Variants in ABLIM2 observed in about 807,000 individuals in gnomAD.
The protein encoded by ABLIM2 is actin-binding LIM protein 2.
ABLIM2 carries 53 observed loss-of-function variants against 97.7 expected under a neutral mutation model. The observed-to-expected ratio is 0.54, with a 90% confidence interval of 0.44 to 0.68. The LOEUF (loss-of-function observed/expected upper bound fraction) is 0.68. ABLIM2 is among the 30% of genes least tolerant of loss of function. The probability of loss-of-function intolerance (pLI) is 0.00; values close to 1 mark genes in which losing one functional copy is unlikely to be tolerated. For synonymous variants in ABLIM2, 361 were observed against 345.8 expected (o/e 1.04, Z -0.49); for missense variants, 835 against 867.2 (o/e 0.96, Z 0.47).
At chr4:7,980,386 G>C (rs1255535121) in intron 20 of ABLIM2, among the ~76,000 whole-genome samples, 1 of 152,100 alleles carries the variant, frequency 6.6e-6, no homozygotes, top group African/African-American at 2.4e-5. Context: ...TACAAATATT[G>C]TACCCCTAAA....
At chr4:8,014,192 C>T (rs537700734) in intron 14 of ABLIM2, among the ~76,000 whole-genome samples, 1 of 152,358 alleles carries the variant, frequency 6.6e-6, no homozygotes, top group South Asian at 2.1e-4. Flanking sequence ...ACCGGCACCC[C>T]GGCAGGTGCT....
rs1203267920 is a variant in ABLIM2 at position 8,072,804 on chromosome 4, G to C, written c.675+4824C>G. 6.6e-6 allele frequency among the ~76,000 whole-genome samples: 1 copy of C among 152,200 alleles called. No homozygotes were observed. Among genetic ancestry groups the C allele is most frequent in the African/African-American group, 2.4e-5 (1 of 41,460 alleles). Reference sequence around the variant, plus strand: ...GCCTGGCTGAGCATCAGAGCCACCAGCGCATAAGAGGAGCAGGGTCAGGGA... The same window carrying C: ...GCCTGGCTGAGCATCAGAGCCACCACCGCATAAGAGGAGCAGGGTCAGGGA... On this transcript the variant is annotated intron_variant, in intron 6 of 20. Transcript: ENST00000447017. The surrounding 1 kb of genome is among the most constrained non-coding windows in gnomAD (Gnocchi z 5.8).
intron 17 of ABLIM2, among the ~76,000 whole-genome samples, chr4:7,988,650 C>T (rs1746317581): frequency 6.6e-6 from 1 of 152,166 alleles, no homozygotes; most frequent in Non-Finnish European, 1.5e-5. Context: ...GCAGGAATTG[C>T]TTTTTAAATA....
In ABLIM2 at chr4:8,021,045, G is replaced by A. The variant is rs1425477550; in HGVS notation, c.1268-742C>T. On this transcript the variant is annotated intron_variant, in intron 12 of 20. Coordinates refer to ENST00000447017, the MANE Select transcript of ABLIM2 (RefSeq NM_001130083.2). The surrounding 1 kb of genome is among the most constrained non-coding windows in gnomAD (Gnocchi z 5.5). ...CTAATTTTTTTAATTTTGTAAAGAT[G>A]GGGTTTTGCCACGTTGCCCTGGCTG... 1.3e-5 allele frequency among the ~76,000 whole-genome samples: 2 copies of A among 151,742 alleles called. No individual in the cohort carries two copies. The highest frequency in any genetic ancestry group is 4.8e-5 in the African/African-American group (2 of 41,266).
rs577306333 is a variant in ABLIM2 at position 8,127,303 on chromosome 4, G to T, written c.11-20666C>A. 2.0e-5 allele frequency among the ~76,000 whole-genome samples: 3 copies of T among 152,324 alleles called. No homozygotes were observed. Reference sequence around the variant, plus strand: ...AGCCTTAGCTGACCTGTACAATGGGGTCACCCTCCTCACCCCACAGTGCTG... The same window carrying T: ...AGCCTTAGCTGACCTGTACAATGGGTTCACCCTCCTCACCCCACAGTGCTG... On this transcript the variant is annotated intron_variant, in intron 1 of 20. Transcript: ENST00000447017. The surrounding 1 kb of genome is among the most constrained non-coding windows in gnomAD (Gnocchi z 7.3).
chr4:8,097,489 T>C (rs562508793), intron 2 of ABLIM2, among the ~76,000 whole-genome samples: 1 of 152,012 alleles, frequency 6.6e-6, no homozygotes, highest in Non-Finnish European at 1.5e-5. Flanking sequence ...TGGTGGTGAG[T>C]GGACTTTCCT....
At chr4:8,117,178 A>G (rs945081540) in intron 1 of ABLIM2, among the ~76,000 whole-genome samples, 5 of 152,220 alleles carry the variant, frequency 3.3e-5, no homozygotes, top group African/African-American at 1.2e-4. Context: ...TCTTGGAGGT[A>G]GATATTCTTT....
chr4:8,054,107 T>C lies in ABLIM2; in HGVS notation c.822+81A>G. 1 of 1,494,952 alleles carries C rather than the reference T, an allele frequency of 6.7e-7. No homozygotes were observed. Among genetic ancestry groups the C allele is most frequent in the African/African-American group, 1.4e-5 (1 of 72,568 alleles). 92.6% of individuals were successfully genotyped at this position (1,494,952 alleles called of 1,614,324 possible). A position where few individuals can be genotyped will look rare whatever the true frequency, so the allele number is the denominator to read the frequency against. ...GACTGGACAATGAGCCTGTAGAATC[T>C]GGTCAGTGTCCTCTTAACTGTACAA... On this transcript the variant is annotated intron_variant, in intron 8 of 20. Transcript: ENST00000447017. This position sits in a 1 kb window ranked among gnomAD's most constrained non-coding sequence, Gnocchi z 4.9.
At chr4:8,053,370 T>G (rs1394174734) in intron 8 of ABLIM2, among the ~76,000 whole-genome samples, 2 of 152,216 alleles carry the variant, frequency 1.3e-5, no homozygotes, top group Non-Finnish European at 2.9e-5. Flanking sequence ...CTAAAATGTA[T>G]AAAACCAAAC....
In ABLIM2 at chr4:8,067,146, C is replaced by G. The variant is rs1031804036; in HGVS notation, c.676-6092G>C. The G allele has an allele frequency of 6.6e-6, 1 of 152,190 alleles. No homozygotes were observed. Among genetic ancestry groups the G allele is most frequent in the Non-Finnish European group, 1.5e-5 (1 of 68,050 alleles). The allele number at this position is 152,190 out of a possible 1,614,324, so 9.4% of individuals were successfully genotyped here. The stretch of plus-strand genomic sequence containing the variant: ...ATGAGGAGCCAGGATCCAAAGAAGG[C>G]AGGCTGGATGCTACCTCCTGGGAAG... On this transcript the variant is annotated intron_variant, in intron 6 of 20. Transcript: ENST00000447017. This position sits in a 1 kb window ranked among gnomAD's most constrained non-coding sequence, Gnocchi z 5.4.
In ABLIM2 at chr4:7,983,574, G is replaced by A; in HGVS notation, c.1736-20C>T. The A allele has an allele frequency of 2.5e-6, 4 of 1,612,608 alleles. No individual in the cohort carries two copies. The highest frequency in any genetic ancestry group is 2.2e-5 in the South Asian group (2 of 90,520). ...TGTATTCTGTAAGAGAGAGAGAGCG[G>A]AGACCACGAAATGGTTTAGAAAGTG... On this transcript the variant is annotated intron_variant, in intron 18 of 20. Coordinates refer to ENST00000447017, the MANE Select transcript of ABLIM2 (RefSeq NM_001130083.2).
intron 14 of ABLIM2, among the ~76,000 whole-genome samples, chr4:8,013,791 T>C (rs1398736242): frequency 2.0e-5 from 3 of 152,190 alleles, no homozygotes; most frequent in Non-Finnish European, 4.4e-5. Flanking sequence ...AGAGAGATGC[T>C]TCCAGGGAAA....
At chr4:8,047,488 G>A (rs531489042) in intron 8 of ABLIM2, among the ~76,000 whole-genome samples, 5 of 152,084 alleles carry the variant, frequency 3.3e-5, no homozygotes, top group African/African-American at 1.2e-4. Context: ...CAACTCTGGG[G>A]TCTGCCTGCC....
At chr4:8,092,303 G>GTA (rs1829258438) in intron 3 of ABLIM2, among the ~76,000 whole-genome samples, 1 of 151,936 alleles carries the variant, frequency 6.6e-6, no homozygotes, top group South Asian at 2.1e-4. Context: ...TGGCCCATTT[G>GTA]TATATGTTCT....
rs547326263 is a variant in ABLIM2 at position 8,147,631 on chromosome 4, G to T, written c.10+11049C>A. Among the ~76,000 whole-genome samples the T allele has an allele frequency of 1.3e-5, 2 of 152,296 alleles. No individual in the cohort carries two copies. The highest frequency in any genetic ancestry group is 2.1e-4 in the South Asian group (1 of 4,822). ...GGAGGTTTGAAGACTCTGCCTTGAA[G>T]ATTGGAGCAACGTGGCCACAAACCT... is the stretch of plus-strand genomic sequence containing the variant. On this transcript the variant is annotated intron_variant, in intron 1 of 20. Coordinates refer to ENST00000447017, the MANE Select transcript of ABLIM2 (RefSeq NM_001130083.2). This position sits in a 1 kb window ranked among gnomAD's most constrained non-coding sequence, Gnocchi z 5.3.
intron 14 of ABLIM2, among the ~76,000 whole-genome samples, chr4:8,017,113 TA>T (rs1769904539): frequency 6.6e-6 from 1 of 152,130 alleles, no homozygotes; most frequent in Admixed American, 6.5e-5. Context: ...CCTGACCTGT[TA>T]AACTTCCTCA....
Position 7,986,678 on chromosome 4 carries a change from C to CT in ABLIM2, c.1681-1786dup, listed in dbSNP as rs1450375950. Among the ~76,000 whole-genome samples, 2 of 151,922 alleles carry CT rather than the reference C, an allele frequency of 1.3e-5. No homozygotes were observed. Among genetic ancestry groups the CT allele is most frequent in the East Asian group, 1.9e-4 (1 of 5,166 alleles). On this transcript the variant is annotated intron_variant, in intron 17 of 20. Coordinates refer to ENST00000447017, the MANE Select transcript of ABLIM2 (RefSeq NM_001130083.2). The surrounding 1 kb of genome is among the most constrained non-coding windows in gnomAD (Gnocchi z 4.3). ...CTTCAGGGGTATTCACAAAGAATTT[C>CT]TTTTTTTTCTTTGAGACAGAGTCTT... is the stretch of plus-strand genomic sequence containing the variant.
intron 20 of ABLIM2, among the ~76,000 whole-genome samples, chr4:7,967,425 G>A (rs1301823345): frequency 3.3e-5 from 5 of 152,350 alleles, no homozygotes; most frequent in Non-Finnish European, 5.9e-5. Context: ...CCCCACCTGC[G>A]TGCAAATGTC....
At chr4:8,045,013 C>A in intron 9 of ABLIM2, 151 bp downstream of exon 9, 2 of 693,754 alleles carry the variant, frequency 2.9e-6, no homozygotes, top group Non-Finnish European at 5.0e-6. Context: ...AACCTCCACC[C>A]CGAAGCAGGG....
Sources: gnomAD v4.1 joint callset for allele counts (sites outside exome capture counted in the v4.1 genomes callset) on GRCh38, gnomAD v4.1.1 for gene constraint, Gnocchi (gnomAD v3.1) non-coding constraint, MANE v1.5 for transcripts, NCBI Gene and HGNC (gene_info 2026-07-23, HGNC 2026-07-21) for gene names.